The following POFUT3 variants were observed in gnomAD, a reference collection of about 807,000 sequenced individuals.
POFUT3 encodes GDP-fucose protein O-fucosyltransferase 3.
chr8:33,388,329 CTTTTTTTTT>C, the POFUT3 span, among the ~76,000 whole-genome samples: 3 of 83,862 alleles, frequency 3.6e-5, no homozygotes, highest in African/African-American at 1.4e-4. Context: ...AAGCAGAACT[CTTTTTTTTT>C]TTTTTTTTTT....
the POFUT3 span, among the ~76,000 whole-genome samples, chr8:33,413,384 C>G: frequency 1.1e-4 from 16 of 152,056 alleles, no homozygotes; most frequent in East Asian, 2.9e-3. Flanking sequence ...TCTCTCTCCC[C>G]CTCTGTCTTG....
chr8:33,459,880 G>A, the POFUT3 span, among the ~76,000 whole-genome samples: 9,522 of 152,158 alleles, frequency 0.063, 546 homozygotes, highest in African/African-American at 0.15. Flanking sequence ...TCAATGTGGT[G>A]AAACCCCGTC....
the POFUT3 span, among the ~76,000 whole-genome samples, chr8:33,391,905 C>T: frequency 6.6e-6 from 1 of 152,156 alleles, no homozygotes; most frequent in Non-Finnish European, 1.5e-5. Context: ...AGATTCTTAA[C>T]CTAGCTCAGC....
At chr8:33,372,089 A>T in the POFUT3 span, 1 of 922,888 alleles carries the variant, frequency 1.1e-6, no homozygotes, top group Non-Finnish European at 1.3e-6. Flanking sequence ...TAAACTTGAA[A>T]CAGCTTTTAT....
At chr8:33,353,252 G>C in the POFUT3 span, among the ~76,000 whole-genome samples, 1 of 152,182 alleles carries the variant, frequency 6.6e-6, no homozygotes, top group African/African-American at 2.4e-5. Flanking sequence ...AGCAGACAGG[G>C]ATCCCTTCCC....
chr8:33,309,170 ATATATATATATATATAT>A, the POFUT3 span, among the ~76,000 whole-genome samples: 1 of 41,922 alleles, frequency 2.4e-5, no homozygotes, highest in African/African-American at 9.7e-5. Context: ...AAAAAAAAAT[ATATATATATATATATAT>A]ATATATATAT....
the POFUT3 span, among the ~76,000 whole-genome samples, chr8:33,400,343 C>T: frequency 1.3e-5 from 2 of 151,936 alleles, no homozygotes; most frequent in Admixed American, 1.3e-4. Context: ...ATCCCAGCTA[C>T]TCGGGAAGCT....
At chr8:33,332,367 T>G in the POFUT3 span, among the ~76,000 whole-genome samples, 49 of 151,838 alleles carry the variant, frequency 3.2e-4, 1 homozygote, top group Non-Finnish European at 2.9e-5. Flanking sequence ...GGCCTGTGCC[T>G]GTAGTCCCAG....
At chr8:33,332,108 A>C in the POFUT3 span, among the ~76,000 whole-genome samples, 1 of 150,744 alleles carries the variant, frequency 6.6e-6, no homozygotes, top group East Asian at 2.0e-4. Context: ...AAGCCAGTGC[A>C]CTCCAGCCTG....
chr8:33,374,383 G>A, the POFUT3 span, among the ~76,000 whole-genome samples: 2 of 152,000 alleles, frequency 1.3e-5, no homozygotes, highest in Middle Eastern at 3.4e-3. Context: ...CCGTATGAAG[G>A]GACATTCTAC....
At chr8:33,417,757 C>G in the POFUT3 span, among the ~76,000 whole-genome samples, 1 of 151,952 alleles carries the variant, frequency 6.6e-6, no homozygotes, top group Non-Finnish European at 1.5e-5. Flanking sequence ...AATCACACTT[C>G]AAATAGATCA....
chr8:33,453,706 G>T, the POFUT3 span, among the ~76,000 whole-genome samples: 12 of 152,104 alleles, frequency 7.9e-5, no homozygotes, highest in Non-Finnish European at 1.2e-4. Flanking sequence ...GCGTCGTCAG[G>T]GGGGCAAGGT....
chr8:33,465,834 A>C, the POFUT3 span, among the ~76,000 whole-genome samples: 3 of 152,162 alleles, frequency 2.0e-5, no homozygotes. Flanking sequence ...CTCAACTCAA[A>C]GATGTGTGGA....
At chr8:33,453,034 G>A in the POFUT3 span, 3 of 595,846 alleles carry the variant, frequency 5.0e-6, no homozygotes. Context: ...CGCCCGGCCA[G>A]GCTTGTTTCT....
chr8:33,335,991 C>T, the POFUT3 span, among the ~76,000 whole-genome samples: 1 of 151,734 alleles, frequency 6.6e-6, no homozygotes, highest in African/African-American at 2.4e-5. Context: ...TTTTTTAATC[C>T]ACGTATAAGT....
At chr8:33,318,456 A>G in the POFUT3 span, among the ~76,000 whole-genome samples, 1 of 139,154 alleles carries the variant, frequency 7.2e-6, no homozygotes, top group Non-Finnish European at 1.5e-5. Context: ...GTGTGTGTGT[A>G]TGAATTCTAT....
At chr8:33,323,733 C>T in the POFUT3 span, among the ~76,000 whole-genome samples, 1 of 152,140 alleles carries the variant, frequency 6.6e-6, no homozygotes, top group Admixed American at 6.6e-5. Flanking sequence ...AGATCTTTAC[C>T]TCTCTTGTCA....
the POFUT3 span, chr8:33,389,473 C>A: frequency 6.2e-7 from 1 of 1,614,236 alleles, no homozygotes; most frequent in Non-Finnish European, 8.5e-7. Context: ...TGTAAGTCAT[C>A]AGCTCGCGAA....
chr8:33,351,664 G>A, the POFUT3 span, among the ~76,000 whole-genome samples: 1 of 152,070 alleles, frequency 6.6e-6, no homozygotes, highest in Admixed American at 6.6e-5. Flanking sequence ...AGAACTGTGA[G>A]CCAAATAAAC....
Sources: gnomAD v4.1 joint callset for allele counts (sites outside exome capture counted in the v4.1 genomes callset) on GRCh38, gnomAD v4.1.1 for gene constraint, MANE v1.5 for transcripts, NCBI Gene and HGNC (gene_info 2026-07-23, HGNC 2026-07-21) for gene names.